The following ZNF107 variants were observed in gnomAD, a reference collection of about 807,000 sequenced individuals.
ZNF107 encodes the protein zinc finger protein 107.
In ZNF107, 19 loss-of-function variants were observed where a neutral mutation model predicts 12.3. That is an observed-to-expected ratio of 1.55 (90% CI 1.08 to 2.27). The LOEUF is 2.27. Ranked by LOEUF, ZNF107 falls within the 30% of genes most tolerant of loss-of-function variation. The probability of loss-of-function intolerance (pLI) is 0.00; values close to 1 mark genes in which losing one functional copy is unlikely to be tolerated. For synonymous variants in ZNF107, 317 were observed against 330.5 expected, an observed-to-expected ratio of 0.96 and a Z score of 0.44; for missense variants, 958 against 979.9, an observed-to-expected ratio of 0.98 and a Z score of 0.30.
At chr7:64,681,261 C>G (rs1291674297) in intron 1 of ZNF107, among the ~76,000 whole-genome samples, 2 of 152,064 alleles carry the variant, frequency 1.3e-5, no homozygotes, top group Admixed American at 6.5e-5. Flanking sequence ...GGGGGCCACT[C>G]ACTCCACCCT....
At chr7:64,686,475 C>T in intron 1 of ZNF107, 1 of 982,200 alleles carries the variant, frequency 1.0e-6, no homozygotes, top group African/African-American at 1.7e-5. Context: ...ATTAGGAGTC[C>T]ATGCCGCCCC....
At position 64,708,128 on chromosome 7, in the gene ZNF107, C is replaced by G. The variant is rs1419384644; in HGVS notation, c.2031C>G (p.His677Gln). Reference sequence around the variant, plus strand: ...TAATTTATACTGGAGAGAAACCCCACAAATGTGAAGAATGTGGAAAAGCTT... The same window carrying G: ...TAATTTATACTGGAGAGAAACCCCAGAAATGTGAAGAATGTGGAAAAGCTT... ...HKIIYTGEKP[H>Q]KCEECGKAYN... Residue 677 changes from histidine to glutamine, a missense_variant, in exon 4 of 4, where the codon CAC becomes CAG. Coordinates refer to ENST00000620827, the MANE Select transcript of ZNF107 (RefSeq NM_001282359.2). 1 of 1,611,866 alleles carries G rather than the reference C, an allele frequency of 6.2e-7. No individual in the cohort carries two copies. The highest frequency in any genetic ancestry group is 1.3e-5 in the African/African-American group (1 of 74,648).
At chr7:64,681,191 T>G (rs1413928618) in intron 1 of ZNF107, among the ~76,000 whole-genome samples, 2 of 152,060 alleles carry the variant, frequency 1.3e-5, no homozygotes, top group Non-Finnish European at 2.9e-5. Context: ...CCATGGACCA[T>G]CATGGACCTC....
rs554963307 is a variant in ZNF107 at position 64,679,675 on chromosome 7, G to GCT, written c.4-11571_4-11570dup. On this transcript the variant is annotated intron_variant, in intron 1 of 3. Coordinates refer to ENST00000620827, the MANE Select transcript of ZNF107 (RefSeq NM_001282359.2). ...ACTGTGTCCTTAGGAATCTAAAACC[G>GCT]CTCCGTCTTTCACCTGATTTGGAAC... Among the ~76,000 whole-genome samples, 96 of 152,120 alleles carry GCT rather than the reference G, an allele frequency of 6.3e-4. 1 individual carries two copies. The East Asian group carries it at 0.012, about 20-fold the overall frequency.
In ZNF107 at chr7:64,697,634, G is replaced by A. The variant is rs183046266; in HGVS notation, c.226+5674G>A. Among the ~76,000 whole-genome samples the A allele has an allele frequency of 4.9e-4, 75 of 152,002 alleles. 2 individuals are homozygous for A. In the East Asian group the frequency reaches 0.012, roughly 25 times the overall value. On this transcript the variant is annotated intron_variant, in intron 3 of 3. Transcript: ENST00000620827. ...TTTGCATATTTTGGATATAGATTAA[G>A]AAATAGGATTTATTATTTGATACAG... is the stretch of plus-strand genomic sequence containing the variant.
At chr7:64,685,183 A>T (rs906230957) in intron 1 of ZNF107, among the ~76,000 whole-genome samples, 4 of 152,170 alleles carry the variant, frequency 2.6e-5, no homozygotes, top group African/African-American at 7.2e-5. Flanking sequence ...TGAAAAGCCC[A>T]TACACGGCCC....
chr7:64,702,506 T>C (rs1790508496), intron 3 of ZNF107, among the ~76,000 whole-genome samples: 1 of 152,186 alleles, frequency 6.6e-6, no homozygotes, highest in Admixed American at 6.5e-5. Context: ...GTTGTTGATA[T>C]TACAAATTAT....
Position 64,710,064 on chromosome 7 carries a change from A to G in ZNF107, c.*1408A>G, listed in dbSNP as rs1471870494. 2 of 207,644 alleles carry G rather than the reference A, an allele frequency of 9.6e-6. No individual in the cohort carries two copies. The allele number at this position is 207,644 out of a possible 1,614,324, so 12.9% of individuals were successfully genotyped here. On this transcript the variant is annotated 3_prime_UTR_variant, in exon 4 of 4. Transcript: ENST00000620827. ...AATTGCTCAAACCTGGGAGGCGAAGATTGCAGTGAGCTGAAATCACACCAC... is the reference window on the plus strand; with the variant it reads ...AATTGCTCAAACCTGGGAGGCGAAGGTTGCAGTGAGCTGAAATCACACCAC...
rs4717206 is a variant in ZNF107, at chr7:64,708,683, G to A, written c.*27G>A. ...TGATCCTACAAGCTTACTACACATA[G>A]GAAAATTCATACTGGAGAGAAACTA... On this transcript the variant is annotated 3_prime_UTR_variant, in exon 4 of 4. Coordinates refer to ENST00000620827, the MANE Select transcript of ZNF107 (RefSeq NM_001282359.2). 1,449,651 of 1,565,024 alleles carry A rather than the reference G, an allele frequency of 0.93. 671,918 individuals carry two copies. The highest frequency in any genetic ancestry group is 0.94 in the African/African-American group (68,434 of 73,036).
chr7:64,707,644 G>C lies in ZNF107; in HGVS notation c.1547G>C (p.Arg516Thr), dbSNP rs878950508. The change falls in exon 4 of 4, where the codon AGA becomes ACA. Residue 516 changes from arginine (R) to threonine (T), a missense_variant. Coordinates refer to ENST00000620827, the MANE Select transcript of ZNF107 (RefSeq NM_001282359.2). ...CCCTACAAATGTGAAGAATGTGACA[G>C]AGCTTTTAGCCAGTCTTCAAACCTT... ...EKPYKCEECD[R>T]AFSQSSNLTE... is the part of the protein sequence containing the mutation. 7 of 1,603,184 alleles carry C rather than the reference G, an allele frequency of 4.4e-6. No homozygotes were observed. The South Asian group carries it at 7.7e-5, about 18-fold the overall frequency.
chr7:64,708,750 C>T lies in ZNF107; in HGVS notation c.*94C>T, dbSNP rs1562850028. The T allele has an allele frequency of 7.9e-7, 1 of 1,269,980 alleles. No individual in the cohort carries two copies. The highest frequency in any genetic ancestry group is 1.1e-6 in the Non-Finnish European group (1 of 928,286). The allele number at this position is 1,269,980 out of a possible 1,614,324, so 78.7% of individuals were successfully genotyped here. On this transcript the variant is annotated 3_prime_UTR_variant, in exon 4 of 4. Coordinates refer to ENST00000620827, the MANE Select transcript of ZNF107 (RefSeq NM_001282359.2). ...GTTAAAGCCTTTAACAAGTCTTCAA[C>T]TTTTTCTGCACACACGAGGTATTTT...
intron 3 of ZNF107, among the ~76,000 whole-genome samples, chr7:64,705,754 A>G (rs1219554579): frequency 6.7e-6 from 1 of 149,336 alleles, no homozygotes; most frequent in Admixed American, 6.7e-5. Context: ...GATAGTCGGT[A>G]ATCACTTGCT....
chr7:64,666,365 G>C, intron 1 of ZNF107, 80 bp downstream of exon 1: 1 of 1,560,960 alleles, frequency 6.4e-7, no homozygotes, highest in Non-Finnish European at 8.7e-7. Context: ...GGCTGGACTC[G>C]GGCCTCCAAA....
chr7:64,702,344 C>CCAGGCTGGTCTTG (rs1790503219), intron 3 of ZNF107, among the ~76,000 whole-genome samples: 1 of 151,808 alleles, frequency 6.6e-6, no homozygotes. Flanking sequence ...ACCATCTTGG[C>CCAGGCTGGTCTTG]CAGGCTGGTC....
intron 1 of ZNF107, among the ~76,000 whole-genome samples, chr7:64,676,488 A>G (rs1202173321): frequency 1.3e-5 from 2 of 152,152 alleles, no homozygotes; most frequent in Non-Finnish European, 2.9e-5. Flanking sequence ...TCCCACTATT[A>G]CTGTGTCAGA....
At chr7:64,678,176 A>C (rs900878908) in intron 1 of ZNF107, among the ~76,000 whole-genome samples, 3 of 152,214 alleles carry the variant, frequency 2.0e-5, no homozygotes, top group African/African-American at 7.2e-5. Context: ...AAAATTTTTT[A>C]ATCTTTTAAA....
chr7:64,691,463 T>A, intron 2 of ZNF107, 89 bp downstream of exon 2: 4 of 1,138,722 alleles, frequency 3.5e-6, no homozygotes, highest in Non-Finnish European at 4.5e-6. Context: ...AATTTATGCT[T>A]TGCATAAATG....
At chr7:64,684,726 TG>T (rs1789831413) in intron 1 of ZNF107, 1 of 985,172 alleles carries the variant, frequency 1.0e-6, no homozygotes, top group African/African-American at 1.7e-5. Flanking sequence ...ACTGGATAGA[TG>T]ATCTCATCTT....
chr7:64,699,869 T>C (rs1009415261), intron 3 of ZNF107, among the ~76,000 whole-genome samples: 9 of 151,492 alleles, frequency 5.9e-5, no homozygotes, highest in Non-Finnish European at 1.2e-4. Context: ...GAGATCGAGA[T>C]CATCCTGGCT....
Sources: gnomAD v4.1 joint callset for allele counts (sites outside exome capture counted in the v4.1 genomes callset) on GRCh38, gnomAD v4.1.1 for gene constraint, MANE v1.5 for transcripts, NCBI Gene and HGNC (gene_info 2026-07-23, HGNC 2026-07-21) for gene names.